PTPN13: variants seen among roughly 807,000 people sequenced by gnomAD.
The protein encoded by PTPN13 is tyrosine-protein phosphatase non-receptor type 13.
PTPN13 carries 191 observed loss-of-function variants against 284.0 expected under a neutral mutation model. That is an observed-to-expected ratio of 0.67 (90% CI 0.60 to 0.76). The LOEUF (loss-of-function observed/expected upper bound fraction) is 0.76. Ranked by LOEUF, PTPN13 falls within the 30% of genes least tolerant of loss-of-function variation. The pLI, the probability that PTPN13 is intolerant of heterozygous loss-of-function variation, is 0.00. For synonymous variants in PTPN13, 986 were observed against 1,022.3 expected (o/e 0.96, Z 0.68); for missense variants, 2,797 against 2,939.9 (o/e 0.95, Z 1.12).
intron 20 of PTPN13, among the ~76,000 whole-genome samples, chr4:86,753,507 A>G (rs1321870485): frequency 2.0e-5 from 3 of 152,042 alleles, no homozygotes; most frequent in Non-Finnish European, 4.4e-5. Context: ...GAGTCTCAGT[A>G]TGGTGGCATG....
chr4:86,774,549 A>G lies in PTPN13; in HGVS notation c.5508+18A>G, dbSNP rs1277415104. On this transcript the variant is annotated intron_variant, in intron 33 of 47. Transcript: ENST00000411767. ...TCATAAAGGTGAGACATTTAAGAGGAATGGATTATTTGTGTAAATGTAGAC... is the reference window on the plus strand; with the variant it reads ...TCATAAAGGTGAGACATTTAAGAGGGATGGATTATTTGTGTAAATGTAGAC... 1.3e-6 allele frequency: 2 copies of G among 1,576,600 alleles called. No homozygotes were observed. The highest frequency in any genetic ancestry group is 2.7e-5 in the African/African-American group (2 of 73,840).
chr4:86,653,715 G>A (rs1725381616), intron 2 of PTPN13, among the ~76,000 whole-genome samples: 2 of 152,052 alleles, frequency 1.3e-5, no homozygotes, highest in Non-Finnish European at 2.9e-5. Flanking sequence ...AGTGATCACA[G>A]TGTGTATATA....
At chr4:86,764,523 A>G in intron 24 of PTPN13, 70 bp from the exon 25 acceptor site, 1 of 1,226,302 alleles carries the variant, frequency 8.2e-7, no homozygotes, top group Non-Finnish European at 1.1e-6. Flanking sequence ...AAAAAAAGAA[A>G]TTAAAAAAAG....
chr4:86,776,001 G>A (rs964136639), intron 35 of PTPN13, among the ~76,000 whole-genome samples: 26 of 152,002 alleles, frequency 1.7e-4, no homozygotes, highest in Non-Finnish European at 2.9e-5. Flanking sequence ...GCTGGAGTGC[G>A]GTGGTGCAAT....
intron 2 of PTPN13, among the ~76,000 whole-genome samples, chr4:86,668,670 A>C (rs1363264664): frequency 6.6e-6 from 1 of 151,506 alleles, no homozygotes; most frequent in Non-Finnish European, 1.5e-5. Context: ...ATCTTGGCTT[A>C]CTGCAACCTC....
chr4:86,715,096 C>A (rs1160369663), intron 7 of PTPN13, among the ~76,000 whole-genome samples: 1 of 151,968 alleles, frequency 6.6e-6, no homozygotes, highest in East Asian at 1.9e-4. Context: ...AGTTAATATG[C>A]TTTTGATTAT....
At chr4:86,802,859 C>T (rs908868342) in intron 42 of PTPN13, among the ~76,000 whole-genome samples, 5 of 152,030 alleles carry the variant, frequency 3.3e-5, no homozygotes, top group Admixed American at 3.3e-4. Context: ...ATCGCTTGAG[C>T]CCAGGAGTTC....
intron 1 of PTPN13, among the ~76,000 whole-genome samples, chr4:86,625,835 A>AT (rs1184809730): frequency 2.0e-5 from 3 of 152,080 alleles, no homozygotes; most frequent in African/African-American, 7.2e-5. Context: ...TTAGCACACT[A>AT]TTTTTTACAA....
At chr4:86,686,678 A>G in intron 3 of PTPN13, 32 bp from the exon 4 acceptor site, 1 of 1,378,206 alleles carries the variant, frequency 7.3e-7, no homozygotes, top group Middle Eastern at 2.5e-4. Flanking sequence ...GTATTTTATC[A>G]TAAAATTATT....
intron 2 of PTPN13, among the ~76,000 whole-genome samples, chr4:86,645,447 T>C (rs1313519208): frequency 6.6e-6 from 1 of 152,214 alleles, no homozygotes; most frequent in African/African-American, 2.4e-5. Context: ...TGTATTTGAA[T>C]ATGGCATGTT....
At chr4:86,626,720 T>TAAAAATAAA (rs1475425525) in intron 1 of PTPN13, among the ~76,000 whole-genome samples, 5 of 152,086 alleles carry the variant, frequency 3.3e-5, no homozygotes, top group African/African-American at 1.2e-4. Flanking sequence ...AAAAATACAA[T>TAAAAATAAA]TACCATATGA....
At chr4:86,621,022 A>G (rs942970803) in intron 1 of PTPN13, among the ~76,000 whole-genome samples, 1 of 152,176 alleles carries the variant, frequency 6.6e-6, no homozygotes, top group Non-Finnish European at 1.5e-5. Flanking sequence ...ACACAGATTT[A>G]TGACTTAATT....
chr4:86,686,016 A>G (rs560992843), intron 3 of PTPN13, among the ~76,000 whole-genome samples: 11 of 152,358 alleles, frequency 7.2e-5, no homozygotes, highest in African/African-American at 2.4e-4. Context: ...TACCATTTAA[A>G]AAAATAAGAT....
intron 1 of PTPN13, among the ~76,000 whole-genome samples, chr4:86,609,720 A>G (rs935313482): frequency 1.3e-5 from 2 of 152,100 alleles, no homozygotes; most frequent in Non-Finnish European, 2.9e-5. Context: ...TTCTTTTGTT[A>G]GCACTTAGAT....
At chr4:86,673,725 T>C (rs1446560459) in intron 3 of PTPN13, among the ~76,000 whole-genome samples, 2 of 152,242 alleles carry the variant, frequency 1.3e-5, no homozygotes, top group East Asian at 1.9e-4. Context: ...TGTTTTGTTT[T>C]GAGACGGAGT....
chr4:86,713,997 TTC>T (rs1218597786), intron 7 of PTPN13, among the ~76,000 whole-genome samples: 1 of 151,962 alleles, frequency 6.6e-6, no homozygotes, highest in East Asian at 1.9e-4. Flanking sequence ...CCCACCTTGA[TTC>T]TCTACTGCCG....
rs763013489 is a variant in PTPN13, at chr4:86,734,867, C to G, written c.2143C>G (p.Gln715Glu). ...LALQAEYGDY[Q>E]PEVHGVSYFR... ...TCTCCAGGCTGAGTATGGAGATTAT[C>G]AACCAGAGGTAGGATTTGTGTTTTT... The change falls in exon 14 of 48, where the codon CAA (glutamine) becomes GAA (glutamate). Residue 715 changes from glutamine (Q) to glutamate (E), a missense_variant. Gln to Glu is a conservative substitution (Grantham distance 29). Transcript: ENST00000411767. The G allele has an allele frequency of 5.0e-6, 8 of 1,610,844 alleles. No individual in the cohort carries two copies. The Admixed American group carries it at 1.3e-4, about 27-fold the overall frequency.
In PTPN13 at chr4:86,628,903, T is replaced by C. The variant is rs866916713; in HGVS notation, c.-5-6349T>C. 1.1e-3 allele frequency among the ~76,000 whole-genome samples: 161 copies of C among 151,180 alleles called. 1 individual carries two copies. The highest frequency in any genetic ancestry group is 3.6e-3 in the African/African-American group (149 of 41,128). ...ACATTTTCTTAAACCAGTCTATCAT[T>C]GTTGGACATTTGGGTTGGTTCCAAG... On this transcript the variant is annotated intron_variant, in intron 1 of 47. Transcript: ENST00000411767.
chr4:86,667,704 C>G (rs1195370821), intron 2 of PTPN13, among the ~76,000 whole-genome samples: 2 of 152,060 alleles, frequency 1.3e-5, no homozygotes, highest in Non-Finnish European at 2.9e-5. Flanking sequence ...GAACAGCGGC[C>G]TCTGCATACA....
Sources: allele counts gnomAD v4.1 joint callset (sites outside exome capture counted in the v4.1 genomes callset), GRCh38; gene constraint gnomAD v4.1.1; transcripts MANE v1.5; gene names NCBI Gene and HGNC (gene_info 2026-07-23, HGNC 2026-07-21).